ADGRL3: variants seen among roughly 807,000 people sequenced by gnomAD.
The protein encoded by ADGRL3 is adhesion G protein-coupled receptor L3.
A neutral mutation model predicts 153.5 loss-of-function variants in ADGRL3; 62 were observed. The observed-to-expected ratio is 0.40, with a 90% confidence interval of 0.33 to 0.50. ADGRL3 has a LOEUF of 0.50. ADGRL3 is among the 20% of genes least tolerant of loss of function. The probability of loss-of-function intolerance (pLI) is 0.47; values close to 1 mark genes in which losing one functional copy is unlikely to be tolerated. For missense variants in ADGRL3, 1,641 were observed against 1,859.4 expected (o/e 0.88, Z 2.16); for synonymous variants, 710 against 672.5 (o/e 1.06, Z -0.86).
intron 21 of ADGRL3, among the ~76,000 whole-genome samples, chr4:61,999,343 CA>C: frequency 1.3e-5 from 2 of 151,666 alleles, no homozygotes; most frequent in Non-Finnish European, 2.9e-5. Flanking sequence ...TTTACACAGG[CA>C]AAAAAAGTAG....
intron 1 of ADGRL3, among the ~76,000 whole-genome samples, chr4:61,315,672 G>A (rs750995165): frequency 1.1e-4 from 17 of 152,158 alleles, no homozygotes; most frequent in Non-Finnish European, 2.1e-4. Context: ...ATGAAAGAAA[G>A]GAGTGTAGAG....
intron 2 of ADGRL3, among the ~76,000 whole-genome samples, chr4:61,407,266 A>C (rs569513807): frequency 1.3e-5 from 2 of 152,202 alleles, no homozygotes; most frequent in South Asian, 4.1e-4. Context: ...AAATTATACT[A>C]AAGTAAGGTG....
intron 8 of ADGRL3, among the ~76,000 whole-genome samples, chr4:61,761,355 A>C (rs2096910096): frequency 6.6e-6 from 1 of 152,238 alleles, no homozygotes; most frequent in Non-Finnish European, 1.5e-5. Flanking sequence ...GCCTATGCCC[A>C]GGAAGGAACA....
intron 25 of ADGRL3, among the ~76,000 whole-genome samples, chr4:62,044,932 G>A (rs979738249): frequency 6.6e-6 from 1 of 152,020 alleles, no homozygotes; most frequent in Admixed American, 6.6e-5. Flanking sequence ...AGTCTTTGCG[G>A]AAGTAAAAGT....
At chr4:61,549,721 C>T (rs984035966) in intron 4 of ADGRL3, among the ~76,000 whole-genome samples, 1 of 151,996 alleles carries the variant, frequency 6.6e-6, no homozygotes, top group African/African-American at 2.4e-5. Context: ...GGCTTAATCA[C>T]AGCTGTATTT....
At chr4:61,340,428 T>G (rs551412484) in intron 1 of ADGRL3, among the ~76,000 whole-genome samples, 4 of 152,208 alleles carry the variant, frequency 2.6e-5, no homozygotes, top group African/African-American at 9.6e-5. Context: ...ATTCTCTTTT[T>G]TTTTTGTACA....
intron 8 of ADGRL3, among the ~76,000 whole-genome samples, chr4:61,742,054 T>C (rs1455188629): frequency 6.6e-6 from 1 of 152,132 alleles, no homozygotes; most frequent in African/African-American, 2.4e-5. Context: ...ACTGGAATAG[T>C]GTTGTTGCTC....
At chr4:61,695,974 C>G (rs1014547271) in intron 6 of ADGRL3, among the ~76,000 whole-genome samples, 2 of 152,136 alleles carry the variant, frequency 1.3e-5, no homozygotes, top group Non-Finnish European at 2.9e-5. Flanking sequence ...TCTCAGCCTT[C>G]ACAGAAATGA....
chr4:61,915,038 A>C (rs2098738816), intron 13 of ADGRL3, among the ~76,000 whole-genome samples: 1 of 152,106 alleles, frequency 6.6e-6, no homozygotes, highest in Non-Finnish European at 1.5e-5. Flanking sequence ...AAGTGAAGCC[A>C]TTAGAATAAG....
chr4:61,264,320 T>C (rs1404061632), intron 1 of ADGRL3, among the ~76,000 whole-genome samples: 2 of 152,110 alleles, frequency 1.3e-5, no homozygotes, highest in Admixed American at 6.6e-5. Context: ...TCCAGCTGTG[T>C]TAATTAACCT....
chr4:61,570,101 T>C (rs2098832417), intron 4 of ADGRL3, among the ~76,000 whole-genome samples: 1 of 152,182 alleles, frequency 6.6e-6, no homozygotes, highest in African/African-American at 2.4e-5. Flanking sequence ...TATATCATTT[T>C]TAATTCATAT....
intron 25 of ADGRL3, chr4:62,063,551 T>C (rs1174457606): frequency 1.1e-5 from 8 of 699,944 alleles, no homozygotes; most frequent in Non-Finnish European, 1.8e-5. Context: ...TTCGTCCGCA[T>C]GGTACTAACA....
intron 2 of ADGRL3, among the ~76,000 whole-genome samples, chr4:61,384,947 CT>C (rs2096719306): frequency 6.6e-6 from 1 of 152,006 alleles, no homozygotes; most frequent in African/African-American, 2.4e-5. Flanking sequence ...ACAAGGTTTC[CT>C]TTTGGGGAAA....
intron 17 of ADGRL3, among the ~76,000 whole-genome samples, chr4:61,964,135 T>G (rs2098997863): frequency 6.6e-6 from 1 of 152,210 alleles, no homozygotes; most frequent in South Asian, 2.1e-4. Context: ...CTGATTCCAG[T>G]GTTTTAAGTA....
intron 2 of ADGRL3, among the ~76,000 whole-genome samples, chr4:61,478,760 GATTT>G (rs1489093679): frequency 6.6e-6 from 1 of 151,540 alleles, no homozygotes; most frequent in East Asian, 2.1e-4. Flanking sequence ...CTTAAGTATT[GATTT>G]ATAATAATGC....
At chr4:61,756,431 G>T (rs1164263923) in intron 8 of ADGRL3, among the ~76,000 whole-genome samples, 1 of 151,052 alleles carries the variant, frequency 6.6e-6, no homozygotes, top group Non-Finnish European at 1.5e-5. Context: ...GTCTGTTATT[G>T]GTGTATAAGA....
At chr4:61,666,659 A>G (rs2094807928) in intron 5 of ADGRL3, among the ~76,000 whole-genome samples, 3 of 152,150 alleles carry the variant, frequency 2.0e-5, no homozygotes, top group Non-Finnish European at 2.9e-5. Context: ...TAAGAGAAAT[A>G]AAGTAGTATA....
At chr4:62,062,942 T>G (rs1204915236) in intron 25 of ADGRL3, among the ~76,000 whole-genome samples, 1 of 152,126 alleles carries the variant, frequency 6.6e-6, no homozygotes, top group Admixed American at 6.6e-5. Context: ...TTATTTCATC[T>G]TAAATGATTC....
intron 2 of ADGRL3, among the ~76,000 whole-genome samples, chr4:61,454,393 A>G (rs940882628): frequency 3.3e-5 from 5 of 152,148 alleles, no homozygotes; most frequent in Non-Finnish European, 7.4e-5. Context: ...CTTATAACAC[A>G]ACTGTTTTGC....
Sources: allele counts gnomAD v4.1 joint callset (sites outside exome capture counted in the v4.1 genomes callset), GRCh38; gene constraint gnomAD v4.1.1; transcripts MANE v1.5; gene names NCBI Gene and HGNC (gene_info 2026-07-23, HGNC 2026-07-21).